The following ETV6 variants were observed in gnomAD, a reference collection of about 807,000 sequenced individuals.
ETV6 encodes the protein ETS variant transcription factor 6.
A neutral mutation model predicts 51.1 loss-of-function variants in ETV6; 16 were observed. That is an observed-to-expected ratio of 0.31 (90% CI 0.21 to 0.48). ETV6 has a LOEUF of 0.48. Among genes scored for constraint, ETV6 ranks in the 20% least tolerant of loss-of-function variants. ETV6 has a pLI of 0.99. For synonymous variants in ETV6, 240 were observed against 224.1 expected, an observed-to-expected ratio of 1.07 and a Z score of -0.64; for missense variants, 458 against 594.8, an observed-to-expected ratio of 0.77 and a Z score of 2.39.
intron 1 of ETV6, among the ~76,000 whole-genome samples, chr12:11,690,448 G>A (rs541248369): frequency 1.3e-5 from 2 of 151,908 alleles, no homozygotes; most frequent in Admixed American, 6.6e-5. Context: ...TTTTTATGCT[G>A]GTTGTGATGG....
At chr12:11,849,499 C>T (rs188789734) in intron 3 of ETV6, among the ~76,000 whole-genome samples, 6 of 152,148 alleles carry the variant, frequency 3.9e-5, no homozygotes, top group African/African-American at 1.4e-4. Context: ...GGCTGGGTGT[C>T]GAGGAATGAA....
intron 3 of ETV6, among the ~76,000 whole-genome samples, chr12:11,849,866 A>G (rs893336969): frequency 2.0e-5 from 3 of 152,114 alleles, no homozygotes; most frequent in East Asian, 1.9e-4. Context: ...GGGACACACT[A>G]TCGCTGCCAA....
At chr12:11,654,982 C>T (rs1158452391) in intron 1 of ETV6, among the ~76,000 whole-genome samples, 3 of 152,100 alleles carry the variant, frequency 2.0e-5, no homozygotes, top group Admixed American at 6.5e-5. Context: ...CAAAAAATAC[C>T]CCAGATGTGA....
rs559236544 is a variant in ETV6, at chr12:11,883,484, G to A, written c.1010-961G>A. Among the ~76,000 whole-genome samples the A allele has an allele frequency of 1.6e-3, 246 of 151,532 alleles. 2 individuals are homozygous for A. The highest frequency in any genetic ancestry group is 5.4e-3 in the South Asian group (26 of 4,796). On this transcript the variant is annotated intron_variant, in intron 5 of 7. Transcript: ENST00000396373. ...AAGTTTTTGTATTTTTAGTAGAGACGGGGTTTCGCCACGTTGGTCAGGCTG... is the reference window on the plus strand; with the variant it reads ...AAGTTTTTGTATTTTTAGTAGAGACAGGGTTTCGCCACGTTGGTCAGGCTG...
At chr12:11,853,336 C>A in intron 3 of ETV6, 91 bp from the exon 4 acceptor site, 2 of 1,486,590 alleles carry the variant, frequency 1.3e-6, no homozygotes, top group Non-Finnish European at 9.3e-7. Context: ...GTATCTTTGG[C>A]ACCGTGCCAG....
At chr12:11,868,774 C>A (rs1946828969) in intron 4 of ETV6, among the ~76,000 whole-genome samples, 1 of 152,026 alleles carries the variant, frequency 6.6e-6, no homozygotes, top group Non-Finnish European at 1.5e-5. Flanking sequence ...TAGAGAGAAA[C>A]CTGTAAGAAC....
chr12:11,668,092 C>T (rs749022286), intron 1 of ETV6, among the ~76,000 whole-genome samples: 1 of 152,168 alleles, frequency 6.6e-6, no homozygotes, highest in African/African-American at 2.4e-5. Flanking sequence ...CCTCAGCCTC[C>T]CAAATTGCTG....
At chr12:11,883,276 C>CTTCTTTTTTTTTTTTTTTTTTT (rs776231778) in intron 5 of ETV6, among the ~76,000 whole-genome samples, 2 of 79,116 alleles carry the variant, frequency 2.5e-5, no homozygotes, top group African/African-American at 1.5e-4. Context: ...ATGTCTTCTT[C>CTTCTTTTTTTTTTTTTTTTTTT]TTTTTTTTTT....
At chr12:11,843,571 C>T (rs1764138303) in intron 3 of ETV6, among the ~76,000 whole-genome samples, 1 of 152,198 alleles carries the variant, frequency 6.6e-6, no homozygotes, top group Non-Finnish European at 1.5e-5. Flanking sequence ...AACAATGTAG[C>T]TTTCTATGCT....
intron 1 of ETV6, among the ~76,000 whole-genome samples, chr12:11,693,982 A>G (rs893649372): frequency 1.3e-5 from 2 of 152,242 alleles, no homozygotes; most frequent in African/African-American, 4.8e-5. Flanking sequence ...TTATATGGCC[A>G]CTGCATACAC....
chr12:11,814,539 C>T (rs1435163933), intron 2 of ETV6, among the ~76,000 whole-genome samples: 1 of 152,020 alleles, frequency 6.6e-6, no homozygotes, highest in African/African-American at 2.4e-5. Flanking sequence ...TGATCTTAGC[C>T]CAGCTGTGTG....
At chr12:11,850,620 C>A (rs1201805282) in intron 3 of ETV6, among the ~76,000 whole-genome samples, 4 of 152,172 alleles carry the variant, frequency 2.6e-5, no homozygotes, top group Admixed American at 2.6e-4. Flanking sequence ...GTTTGCCTCA[C>A]GCCATGATGA....
At position 11,881,765 on chromosome 12, in the gene ETV6, A is replaced by G. The variant is rs575880953; in HGVS notation, c.1010-2680A>G. ...CCCTTTATAGAGAAAGTAATTCAAG[A>G]CAAGGAGATGCTTACAAGGGAAAAA... On this transcript the variant is annotated intron_variant, in intron 5 of 7. Transcript: ENST00000396373. Among the ~76,000 whole-genome samples the G allele has an allele frequency of 6.6e-5, 10 of 152,356 alleles. No homozygotes were observed. In the East Asian group the frequency reaches 1.9e-3, roughly 29 times the overall value.
chr12:11,650,591 A>G (rs1469253671), intron 1 of ETV6, among the ~76,000 whole-genome samples: 1 of 151,838 alleles, frequency 6.6e-6, no homozygotes, highest in Non-Finnish European at 1.5e-5. Flanking sequence ...TCTTAGAAAA[A>G]AAGTTGTTCA....
At chr12:11,733,820 G>A (rs554065065) in intron 1 of ETV6, among the ~76,000 whole-genome samples, 96 of 152,292 alleles carry the variant, frequency 6.3e-4, no homozygotes, top group Non-Finnish European at 1.0e-3. Flanking sequence ...GTAAATCCAG[G>A]CGAAGCTGAT....
At chr12:11,727,304 G>A (rs1235341323) in intron 1 of ETV6, among the ~76,000 whole-genome samples, 4 of 152,250 alleles carry the variant, frequency 2.6e-5, no homozygotes, top group Admixed American at 6.5e-5. Context: ...TCCCGCAGGC[G>A]GGCGCAAGCC....
At chr12:11,867,259 G>A (rs1347434331) in intron 4 of ETV6, among the ~76,000 whole-genome samples, 1 of 152,138 alleles carries the variant, frequency 6.6e-6, no homozygotes, top group Non-Finnish European at 1.5e-5. Flanking sequence ...TAGATAAGTG[G>A]TGGCAGATCA....
intron 1 of ETV6, among the ~76,000 whole-genome samples, chr12:11,690,876 G>C (rs1393895403): frequency 3.3e-5 from 1 of 29,916 alleles, no homozygotes; most frequent in African/African-American, 6.7e-5. Context: ...GACAGAGTGA[G>C]ACTCTGTCTC....
intron 1 of ETV6, among the ~76,000 whole-genome samples, chr12:11,681,081 T>C (rs530656056): frequency 1.6e-4 from 24 of 152,332 alleles, no homozygotes; most frequent in African/African-American, 5.3e-4. Context: ...GACTCTGTCC[T>C]GCATCCCACT....
Sources: allele counts gnomAD v4.1 joint callset (sites outside exome capture counted in the v4.1 genomes callset), GRCh38; gene constraint gnomAD v4.1.1; transcripts MANE v1.5; gene names NCBI Gene and HGNC (gene_info 2026-07-23, HGNC 2026-07-21).